DYNLL2: variants seen among roughly 807,000 people sequenced by gnomAD.
DYNLL2 encodes the protein dynein light chain LC8-type 2, also known as dynein light chain 2, cytoplasmic.
A neutral mutation model predicts 9.7 loss-of-function variants in DYNLL2; 1 was observed. The observed-to-expected ratio is 0.10, with a 90% CI of 0.04 to 0.49. DYNLL2 has a LOEUF of 0.49. Among genes scored for constraint, DYNLL2 ranks in the 20% least tolerant of loss-of-function variants. The probability of loss-of-function intolerance (pLI) is 0.95; values close to 1 mark genes in which losing one functional copy is unlikely to be tolerated. For synonymous variants in DYNLL2, 35 were observed against 40.5 expected, an observed-to-expected ratio of 0.86 and a Z score of 0.52; for missense variants, 37 against 115.2, an observed-to-expected ratio of 0.32 and a Z score of 3.11.
chr17:58,086,940 C>G, intron 1 of DYNLL2, 142 bp from the exon 2 acceptor site: 1 of 948,636 alleles, frequency 1.1e-6, no homozygotes, highest in Non-Finnish European at 1.5e-6. Flanking sequence ...TAGGGGCTCC[C>G]TCTCCTAATG....
Position 58,091,445 on chromosome 17 carries a change from T to C in DYNLL2, c.*2166T>C, listed in dbSNP as rs1221348405. Reference sequence around the variant, plus strand: ...ACCAGCAGCACTCACCCTTAAGGGCTCCTGGGTTCTGCCTTCCTTGGTGGT... The same window carrying C: ...ACCAGCAGCACTCACCCTTAAGGGCCCCTGGGTTCTGCCTTCCTTGGTGGT... On this transcript the variant is annotated 3_prime_UTR_variant, in exon 3 of 3. Transcript: ENST00000579991. 1 of 152,292 alleles carries C rather than the reference T, an allele frequency of 6.6e-6. No individual in the cohort carries two copies. Among genetic ancestry groups the C allele is most frequent in the African/African-American group, 2.4e-5 (1 of 41,428 alleles). The allele number at this position is 152,292 out of a possible 1,614,324, so 9.4% of individuals were successfully genotyped here. A position where few individuals can be genotyped will look rare whatever the true frequency, so the allele number is the denominator to read the frequency against.
chr17:58,087,767 G>A lies in DYNLL2; in HGVS notation c.132+545G>A, dbSNP rs555449558. Reference sequence around the variant, plus strand: ...TATATAATTTTTAAGAAATGGATGAGCAATAATGGGGCCATAGGTTTGGTC... The same window carrying A: ...TATATAATTTTTAAGAAATGGATGAACAATAATGGGGCCATAGGTTTGGTC... On this transcript the variant is annotated intron_variant, in intron 2 of 2. Coordinates refer to ENST00000579991, the MANE Select transcript of DYNLL2 (RefSeq NM_080677.3). Among the ~76,000 whole-genome samples, 8 of 152,276 alleles carry A rather than the reference G, an allele frequency of 5.3e-5. No homozygotes were observed. The East Asian group carries it at 1.5e-3, about 29-fold the overall frequency.
At position 58,090,889 on chromosome 17, in the gene DYNLL2, T is replaced by G. The variant is rs1026595641; in HGVS notation, c.*1610T>G. 6 of 151,846 alleles carry G rather than the reference T, an allele frequency of 4.0e-5. No homozygotes were observed. The highest frequency in any genetic ancestry group is 3.3e-4 in the Admixed American group (5 of 15,242). The allele number at this position is 151,846 out of a possible 1,614,324, so 9.4% of individuals were successfully genotyped here. Reference sequence around the variant, plus strand: ...TTATTTTCAAGTCCATTCTTGGGGCTGGTGGGGAGGCAGGAGAATACCCCT... The same window carrying G: ...TTATTTTCAAGTCCATTCTTGGGGCGGGTGGGGAGGCAGGAGAATACCCCT... On this transcript the variant is annotated 3_prime_UTR_variant, in exon 3 of 3. Coordinates refer to ENST00000579991, the MANE Select transcript of DYNLL2 (RefSeq NM_080677.3).
chr17:58,092,584 T>G lies in DYNLL2; in HGVS notation c.*3305T>G, dbSNP rs1420043447. On this transcript the variant is annotated 3_prime_UTR_variant, in exon 3 of 3. Coordinates refer to ENST00000579991, the MANE Select transcript of DYNLL2 (RefSeq NM_080677.3). ...ATAGGAGCATCAATATCCCTGCTCCTTGTATCCTGTTCTCCAGTCTTCTGG... is the reference window on the plus strand; with the variant it reads ...ATAGGAGCATCAATATCCCTGCTCCGTGTATCCTGTTCTCCAGTCTTCTGG... 2.0e-5 allele frequency: 3 copies of G among 152,234 alleles called. No individual in the cohort carries two copies. The South Asian group carries it at 6.2e-4, about 32-fold the overall frequency. 9.4% of individuals were successfully genotyped at this position (152,234 alleles called of 1,614,324 possible). A position where few individuals can be genotyped will look rare whatever the true frequency, so the allele number is the denominator to read the frequency against.
In DYNLL2 at chr17:58,089,347, T is replaced by G. The variant is rs1313058607; in HGVS notation, c.*68T>G. ...AGCAGGCGGCGTTGCTGGGACTGTTTTGCACTGGAGCCAGCATCAGGATGT... is the reference window on the plus strand; with the variant it reads ...AGCAGGCGGCGTTGCTGGGACTGTTGTGCACTGGAGCCAGCATCAGGATGT... On this transcript the variant is annotated 3_prime_UTR_variant, in exon 3 of 3. Coordinates refer to ENST00000579991, the MANE Select transcript of DYNLL2 (RefSeq NM_080677.3). 8.2e-6 allele frequency: 13 copies of G among 1,581,044 alleles called. No homozygotes were observed. Among genetic ancestry groups the G allele is most frequent in the Admixed American group, 3.6e-5 (2 of 56,164 alleles).
rs554042231 is a variant in DYNLL2 at position 58,086,815 on chromosome 17, G to A, written c.-9-267G>A. On this transcript the variant is annotated intron_variant, in intron 1 of 2. Coordinates refer to ENST00000579991, the MANE Select transcript of DYNLL2 (RefSeq NM_080677.3). Reference sequence around the variant, plus strand: ...GACTATTGGTGCTCTTCAGAATATCGGAAGTAAATTTTAGAGTTGGAAAAT... The same window carrying A: ...GACTATTGGTGCTCTTCAGAATATCAGAAGTAAATTTTAGAGTTGGAAAAT... 4.6e-5 allele frequency among the ~76,000 whole-genome samples: 7 copies of A among 152,204 alleles called. No homozygotes were observed. In the East Asian group the frequency reaches 1.2e-3, roughly 25 times the overall value.
intron 1 of DYNLL2, among the ~76,000 whole-genome samples, chr17:58,084,424 C>A (rs963564167): frequency 4.6e-5 from 7 of 151,994 alleles, no homozygotes; most frequent in Non-Finnish European, 8.8e-5. Context: ...TCCTGGGGTG[C>A]CCTTTGTGCT....
intron 1 of DYNLL2, among the ~76,000 whole-genome samples, chr17:58,084,197 C>CG (rs1358212477): frequency 3.3e-5 from 5 of 151,328 alleles, no homozygotes; most frequent in Non-Finnish European, 5.9e-5. Context: ...GGCGGGAGGT[C>CG]GGGGGGAAGG....
chr17:58,083,980 C>G (rs1567765248), intron 1 of DYNLL2, among the ~76,000 whole-genome samples: 2 of 151,876 alleles, frequency 1.3e-5, no homozygotes, highest in African/African-American at 2.4e-5. Context: ...GGGAGTCTCT[C>G]TGCGCTGCGT....
At chr17:58,086,228 C>G (rs981471665) in intron 1 of DYNLL2, among the ~76,000 whole-genome samples, 2 of 152,140 alleles carry the variant, frequency 1.3e-5, no homozygotes, top group Non-Finnish European at 2.9e-5. Context: ...GGAATAGGGC[C>G]TGTATAGGGC....
chr17:58,088,354 A>G (rs940442792), intron 2 of DYNLL2, among the ~76,000 whole-genome samples: 11 of 152,194 alleles, frequency 7.2e-5, no homozygotes, highest in African/African-American at 2.7e-4. Context: ...GAGAAGTTGT[A>G]TGTTGAGCAT....
rs571136501 is a variant in DYNLL2, at chr17:58,087,866, G to A, written c.132+644G>A. On this transcript the variant is annotated intron_variant, in intron 2 of 2. Coordinates refer to ENST00000579991, the MANE Select transcript of DYNLL2 (RefSeq NM_080677.3). Reference sequence around the variant, plus strand: ...GAGGAAGCAGCTGTGCCAAAAGTAAGAAAAGGGGTACTGGGACCCCCTGAT... The same window carrying A: ...GAGGAAGCAGCTGTGCCAAAAGTAAAAAAAGGGGTACTGGGACCCCCTGAT... Among the ~76,000 whole-genome samples, 3 of 152,192 alleles carry A rather than the reference G, an allele frequency of 2.0e-5. No homozygotes were observed. The South Asian group carries it at 6.2e-4, about 32-fold the overall frequency.
In DYNLL2 at chr17:58,090,557, G is replaced by A. The variant is rs1010484244; in HGVS notation, c.*1278G>A. ...TCAGTGCAGAGGGACAGTGACTGTG[G>A]ATGGTTGCAGTCTCTGGTGGGAGGT... On this transcript the variant is annotated 3_prime_UTR_variant, in exon 3 of 3. Transcript: ENST00000579991. 6.6e-6 allele frequency: 1 copy of A among 152,482 alleles called. No homozygotes were observed. The highest frequency in any genetic ancestry group is 2.4e-5 in the African/African-American group (1 of 41,480). The allele number at this position is 152,482 out of a possible 1,614,324, so 9.4% of individuals were successfully genotyped here.
Position 58,089,646 on chromosome 17 carries a change from G to C in DYNLL2, c.*367G>C. On this transcript the variant is annotated 3_prime_UTR_variant, in exon 3 of 3. Coordinates refer to ENST00000579991, the MANE Select transcript of DYNLL2 (RefSeq NM_080677.3). ...TAGGAGGGCTGAGGAAAAGAAATAG[G>C]TCTCTGGAGGTGGAACTAAAACTGT... 7.1e-6 allele frequency: 3 copies of C among 420,588 alleles called. No homozygotes were observed. In the East Asian group the frequency reaches 1.1e-4, roughly 15 times the overall value. The allele number at this position is 420,588 out of a possible 1,614,324, so 26.1% of individuals were successfully genotyped here.
rs1359289328 is a variant in DYNLL2, at chr17:58,092,767, G to C, written c.*3488G>C. On this transcript the variant is annotated 3_prime_UTR_variant, in exon 3 of 3. Coordinates refer to ENST00000579991, the MANE Select transcript of DYNLL2 (RefSeq NM_080677.3). ...AATGGATAATAACCAGCATGGTAGG[G>C]AATCTTCTTTGTTGCTGTGGCACTG... 6.6e-6 allele frequency: 1 copy of C among 152,266 alleles called. No homozygotes were observed. Among genetic ancestry groups the C allele is most frequent in the Non-Finnish European group, 1.5e-5 (1 of 68,080 alleles). 9.4% of individuals were successfully genotyped at this position (152,266 alleles called of 1,614,324 possible).
chr17:58,085,556 G>C (rs2075756951), intron 1 of DYNLL2, among the ~76,000 whole-genome samples: 1 of 152,156 alleles, frequency 6.6e-6, no homozygotes, highest in East Asian at 1.9e-4. Context: ...CATGTGTTGG[G>C]ACTGTGGTCA....
intron 1 of DYNLL2, among the ~76,000 whole-genome samples, chr17:58,084,501 T>C (rs978869805): frequency 6.6e-5 from 10 of 152,130 alleles, no homozygotes; most frequent in African/African-American, 2.4e-4. Flanking sequence ...CTTCCTCCTA[T>C]CTGGAGGCCC....
intron 1 of DYNLL2, among the ~76,000 whole-genome samples, chr17:58,086,119 C>T (rs946229357): frequency 3.9e-5 from 6 of 152,128 alleles, no homozygotes; most frequent in African/African-American, 1.4e-4. Flanking sequence ...TCTGAGGTTG[C>T]CTTCCCACCC....
At chr17:58,086,643 G>GACTTAATTCTGTTCAAATGTTA (rs1173993167) in intron 1 of DYNLL2, among the ~76,000 whole-genome samples, 3 of 152,152 alleles carry the variant, frequency 2.0e-5, no homozygotes, top group Admixed American at 2.0e-4. Context: ...TTAAATCAGG[G>GACTTAATTCTGTTCAAATGTTA]ACTTAATTCT....
Sources: allele counts gnomAD v4.1 joint callset (sites outside exome capture counted in the v4.1 genomes callset), GRCh38; gene constraint gnomAD v4.1.1; transcripts MANE v1.5; gene names NCBI Gene and HGNC (gene_info 2026-07-23, HGNC 2026-07-21).